The following PPM1E variants were observed in gnomAD, a reference collection of about 807,000 sequenced individuals.
PPM1E encodes protein phosphatase, Mg2+/Mn2+ dependent 1E.
A neutral mutation model predicts 65.9 loss-of-function variants in PPM1E; 20 were observed. The observed-to-expected ratio is 0.30, with a 90% CI of 0.21 to 0.44. PPM1E has a LOEUF of 0.44. Among genes scored for constraint, PPM1E ranks in the 20% least tolerant of loss-of-function variants. PPM1E has a pLI of 1.00. For missense variants in PPM1E, 713 were observed against 953.1 expected (o/e 0.75, Z 3.32); for synonymous variants, 352 against 374.9 (o/e 0.94, Z 0.70).
chr17:58,899,577 CAG>C (rs990104751), intron 1 of PPM1E: 24 of 223,196 alleles, frequency 1.1e-4, no homozygotes, highest in Non-Finnish European at 1.9e-4. Flanking sequence ...GTAAAATTGA[CAG>C]AGGGGGGAAA....
At chr17:58,758,897 C>G (rs1379536293) in intron 1 of PPM1E, among the ~76,000 whole-genome samples, 1 of 151,842 alleles carries the variant, frequency 6.6e-6, no homozygotes, top group African/African-American at 2.4e-5. Context: ...TGGCAAAACC[C>G]CGTCTCTACT....
rs1382561249 is a variant in PPM1E at position 58,979,970 on chromosome 17, G to T, written c.1211-4G>T. The stretch of plus-strand genomic sequence containing the variant: ...ATGATGCCCCTACACTCTGCTTCCC[G>T]CAGGAGATGCTGAACATAAGCCATA... On this transcript the variant is annotated splice_region_variant and splice_polypyrimidine_tract_variant and intron_variant, in intron 6 of 6. Transcript: ENST00000308249. 4 of 1,606,702 alleles carry T rather than the reference G, an allele frequency of 2.5e-6. No individual in the cohort carries two copies. The highest frequency in any genetic ancestry group is 3.4e-6 in the Non-Finnish European group (4 of 1,174,982).
chr17:58,976,231 G>C (rs1021177839), intron 6 of PPM1E, among the ~76,000 whole-genome samples: 3 of 152,146 alleles, frequency 2.0e-5, no homozygotes, highest in South Asian at 2.1e-4. Flanking sequence ...ATGGGAAAAG[G>C]ACACTGCTTA....
At chr17:58,888,500 A>AT (rs968378262) in intron 1 of PPM1E, among the ~76,000 whole-genome samples, 12 of 151,148 alleles carry the variant, frequency 7.9e-5, no homozygotes, top group African/African-American at 2.7e-4. Context: ...AGTAGCTGGG[A>AT]TTACAGGTGC....
chr17:58,979,033 C>A (rs934703481), intron 6 of PPM1E, among the ~76,000 whole-genome samples: 1 of 152,142 alleles, frequency 6.6e-6, no homozygotes, highest in African/African-American at 2.4e-5. Context: ...GAGGCAACTT[C>A]TCTGCCTGGT....
At chr17:58,971,891 G>A (rs1349676544) in intron 4 of PPM1E, among the ~76,000 whole-genome samples, 1 of 152,246 alleles carries the variant, frequency 6.6e-6, no homozygotes, top group East Asian at 1.9e-4. Flanking sequence ...TATTTAAAGT[G>A]GAATTAATAA....
At chr17:58,872,107 G>A (rs1306344821) in intron 1 of PPM1E, among the ~76,000 whole-genome samples, 2 of 152,180 alleles carry the variant, frequency 1.3e-5, no homozygotes, top group Admixed American at 1.3e-4. Context: ...AGACCAGCCT[G>A]GCCAACACAG....
chr17:58,838,257 G>GA (rs1401928819), intron 1 of PPM1E, among the ~76,000 whole-genome samples: 11 of 152,008 alleles, frequency 7.2e-5, no homozygotes, highest in Non-Finnish European at 1.5e-4. Flanking sequence ...CACAAACTGG[G>GA]AAAAAATCTT....
chr17:58,945,146 CTT>C (rs766042162), intron 1 of PPM1E, among the ~76,000 whole-genome samples: 6 of 134,968 alleles, frequency 4.4e-5, no homozygotes, highest in Admixed American at 7.4e-5. Flanking sequence ...TCACACACTT[CTT>C]TTTTTTTTTT....
chr17:58,824,869 A>G (rs1270674435), intron 1 of PPM1E, among the ~76,000 whole-genome samples: 2 of 151,278 alleles, frequency 1.3e-5, no homozygotes, highest in Non-Finnish European at 2.9e-5. Flanking sequence ...CGGCCTCCCA[A>G]AGTGCTAGGA....
chr17:58,932,595 A>T (rs561568480), intron 1 of PPM1E, among the ~76,000 whole-genome samples: 1 of 152,230 alleles, frequency 6.6e-6, no homozygotes, highest in Non-Finnish European at 1.5e-5. Flanking sequence ...TCCAGCACAG[A>T]AGGGCTCCGT....
At chr17:58,841,676 C>T (rs1260859877) in intron 1 of PPM1E, among the ~76,000 whole-genome samples, 1 of 151,774 alleles carries the variant, frequency 6.6e-6, no homozygotes, top group African/African-American at 2.4e-5. Flanking sequence ...CAGGTGCACA[C>T]CACCGTGACC....
rs1228324843 is a variant in PPM1E at position 58,816,786 on chromosome 17, A to T, written c.464+60325A>T. Among the ~76,000 whole-genome samples, 18 of 7,748 alleles carry T rather than the reference A, an allele frequency of 2.3e-3. 2 individuals carry two copies. The highest frequency in any genetic ancestry group is 9.1e-3 in the African/African-American group (15 of 1,640). 5.1% of individuals were successfully genotyped at this position (7,748 alleles called of 152,430 possible). ...TATATATATATATATATATATATAT[A>T]TATATATATTTTTTTTTTTTTTTTT... On this transcript the variant is annotated intron_variant, in intron 1 of 6. Coordinates refer to ENST00000308249, the MANE Select transcript of PPM1E (RefSeq NM_014906.5).
chr17:58,808,437 C>A (rs2050335272), intron 1 of PPM1E, among the ~76,000 whole-genome samples: 1 of 151,984 alleles, frequency 6.6e-6, no homozygotes, highest in Admixed American at 6.6e-5. Flanking sequence ...TTATTTAGGT[C>A]TGTCTTAATG....
intron 1 of PPM1E, among the ~76,000 whole-genome samples, chr17:58,779,320 C>T (rs1220647183): frequency 1.3e-5 from 2 of 151,698 alleles, no homozygotes; most frequent in African/African-American, 2.4e-5. Context: ...TATAGGCATG[C>T]ACCACCACAC....
chr17:58,808,148 C>G (rs994632649), intron 1 of PPM1E, among the ~76,000 whole-genome samples: 2 of 152,132 alleles, frequency 1.3e-5, no homozygotes, highest in Non-Finnish European at 2.9e-5. Flanking sequence ...TCTAGGCTCT[C>G]TAGTATGTTA....
chr17:58,930,780 A>C (rs1378503586), intron 1 of PPM1E, among the ~76,000 whole-genome samples: 2 of 152,182 alleles, frequency 1.3e-5, no homozygotes, highest in African/African-American at 4.8e-5. Flanking sequence ...ATGAAATGGA[A>C]ATTAACCAAG....
At chr17:58,856,776 A>G (rs1293274435) in intron 1 of PPM1E, among the ~76,000 whole-genome samples, 1 of 152,180 alleles carries the variant, frequency 6.6e-6, no homozygotes, top group Non-Finnish European at 1.5e-5. Flanking sequence ...ATCAACCCTG[A>G]TGACATCTAG....
In PPM1E at chr17:58,890,572, A is replaced by G. The variant is rs572712791; in HGVS notation, c.465-65077A>G. ...GGGTTACAAATAAATTTTAGTGACTATGTGGATTTGCAAATACAGACCCTG... is the reference window on the plus strand; with the variant it reads ...GGGTTACAAATAAATTTTAGTGACTGTGTGGATTTGCAAATACAGACCCTG... On this transcript the variant is annotated intron_variant, in intron 1 of 6. Coordinates refer to ENST00000308249, the MANE Select transcript of PPM1E (RefSeq NM_014906.5). Among the ~76,000 whole-genome samples, 13 of 152,294 alleles carry G rather than the reference A, an allele frequency of 8.5e-5. No homozygotes were observed. In the South Asian group the frequency reaches 2.1e-3, roughly 24 times the overall value.
Sources: gnomAD v4.1 joint callset for allele counts (sites outside exome capture counted in the v4.1 genomes callset) on GRCh38, gnomAD v4.1.1 for gene constraint, MANE v1.5 for transcripts, NCBI Gene and HGNC (gene_info 2026-07-23, HGNC 2026-07-21) for gene names.